C8B: variants seen among roughly 807,000 people sequenced by gnomAD.
The protein encoded by C8B is complement C8 beta chain.
C8B carries 67 observed loss-of-function variants against 64.6 expected under a neutral mutation model. The observed-to-expected ratio is 1.04, with a 90% confidence interval of 0.85 to 1.27. The LOEUF is 1.27. Ranked by LOEUF, C8B falls within the 50% of genes most tolerant of loss-of-function variation. C8B has a pLI of 0.00. For synonymous variants in C8B, 284 were observed against 257.7 expected (o/e 1.10, Z -0.98); for missense variants, 790 against 725.2 (o/e 1.09, Z -1.03).
At chr1:56,943,042 G>A (rs1644887594) in intron 8 of C8B, among the ~76,000 whole-genome samples, 1 of 151,750 alleles carries the variant, frequency 6.6e-6, no homozygotes, top group African/African-American at 2.4e-5. Context: ...ATTGCAGTGA[G>A]CCGAGATCAC....
Position 56,940,871 on chromosome 1 carries a change from T to C in C8B, c.1376A>G (p.Asn459Ser). The part of the protein sequence containing the change: ...MQEWGDAVQY[N>S]PAIIKVKVEP... ...TACCTTAACTTTGATGATGGCTGGG[T>C]TGTACTGCACAGCGTCTCCCCACTC... The change falls in exon 9 of 12, where the codon AAC (asparagine) becomes AGC (serine). Residue 459 changes from asparagine (N) to serine (S), a missense_variant. Physicochemically the swap from Asn to Ser is conservative, Grantham distance 46. Transcript: ENST00000371237. The C allele has an allele frequency of 1.2e-6, 2 of 1,613,926 alleles. No individual in the cohort carries two copies. Among genetic ancestry groups the C allele is most frequent in the Admixed American group, 3.3e-5 (2 of 59,994 alleles).
At chr1:56,943,363 G>A (rs1005399870) in intron 8 of C8B, among the ~76,000 whole-genome samples, 2 of 152,164 alleles carry the variant, frequency 1.3e-5, no homozygotes, top group Non-Finnish European at 2.9e-5. Context: ...TTCATCAACA[G>A]TAGAATGGAC....
chr1:56,935,749 G>A (rs571724420), intron 9 of C8B, among the ~76,000 whole-genome samples: 2 of 152,298 alleles, frequency 1.3e-5, no homozygotes, highest in South Asian at 2.1e-4. Context: ...GTAGATTGAC[G>A]AAAGTCACAT....
intron 9 of C8B, 109 bp from the exon 10 acceptor site, chr1:56,933,597 T>C (rs1180795912): frequency 2.2e-6 from 2 of 893,024 alleles, no homozygotes; most frequent in African/African-American, 1.6e-5. Context: ...AGACCACATG[T>C]GGGTTCCTAT....
chr1:56,940,073 A>G (rs964610377), intron 9 of C8B, among the ~76,000 whole-genome samples: 1 of 151,772 alleles, frequency 6.6e-6, no homozygotes, highest in African/African-American at 2.4e-5. Context: ...TTATCCTTGC[A>G]TTTTCCTCTA....
rs113900156 is a variant in C8B at position 56,956,902 on chromosome 1, A to G, written c.258T>C (p.Tyr86=). The G allele has an allele frequency of 4.3e-4, 699 of 1,614,112 alleles. 2 individuals carry two copies. The African/African-American group carries it at 5.8e-3, about 13-fold the overall frequency. The part of the protein sequence containing the change: ...CDPCQKKRYR[Y]AYLLQPSQFH... Reference sequence around the variant, plus strand: ...ACTGAGAGGGCTGGAGCAAGTAGGCATACCTGTACTGTAGCAGAGAGGAGC... The same window carrying G: ...ACTGAGAGGGCTGGAGCAAGTAGGCGTACCTGTACTGTAGCAGAGAGGAGC... Residue 86 remains tyrosine, a synonymous_variant, in exon 3 of 12, where the codon TAT becomes TAC. Coordinates refer to ENST00000371237, the MANE Select transcript of C8B (RefSeq NM_000066.4).
At chr1:56,939,645 C>G (rs547316303) in intron 9 of C8B, among the ~76,000 whole-genome samples, 27 of 152,286 alleles carry the variant, frequency 1.8e-4, no homozygotes, top group African/African-American at 6.0e-4. Context: ...TATGACAGTC[C>G]TGGTCTAACA....
intron 9 of C8B, among the ~76,000 whole-genome samples, chr1:56,937,125 G>T (rs1644786725): frequency 6.6e-6 from 1 of 152,158 alleles, no homozygotes; most frequent in African/African-American, 2.4e-5. Flanking sequence ...CACATGGTAA[G>T]GCTGACATTC....
At chr1:56,957,147 C>A (rs547100051) in intron 2 of C8B, among the ~76,000 whole-genome samples, 1 of 152,222 alleles carries the variant, frequency 6.6e-6, no homozygotes, top group South Asian at 2.1e-4. Flanking sequence ...TCTCTGAGGG[C>A]AGGGACCTTG....
chr1:56,960,799 T>C (rs1006853213), intron 1 of C8B, among the ~76,000 whole-genome samples: 2 of 151,992 alleles, frequency 1.3e-5, no homozygotes, highest in African/African-American at 4.8e-5. Flanking sequence ...CATTTGAGTG[T>C]GTGGGCGGTG....
At position 56,932,022 on chromosome 1, in the gene C8B, G is replaced by T. The variant is rs1015216199; in HGVS notation, c.1553-144C>A. 6.0e-6 allele frequency: 4 copies of T among 671,852 alleles called. No individual in the cohort carries two copies. The East Asian group carries it at 1.1e-4, about 19-fold the overall frequency. The allele number at this position is 671,852 out of a possible 1,614,324, so 41.6% of individuals were successfully genotyped here. A position where few individuals can be genotyped will look rare whatever the true frequency, so the allele number is the denominator to read the frequency against. On this transcript the variant is annotated intron_variant, in intron 10 of 11. Transcript: ENST00000371237. ...ATGGCTTGCTATAGGCAGGTTCAGG[G>T]CCAGGAATACCTACTCCTTTCCTGA...
chr1:56,951,960 G>GGGATGTGTCCAAGGCCACACA, intron 5 of C8B, 88 bp downstream of exon 5: 1 of 1,359,752 alleles, frequency 7.4e-7, no homozygotes, highest in Non-Finnish European at 1.0e-6. Context: ...AAGAGAAAAG[G>GGGATGTGTCCAAGGCCACACA]GCTAGCAGGC....
chr1:56,943,626 G>A (rs1209639804), intron 8 of C8B, 70 bp downstream of exon 8: 1 of 1,574,080 alleles, frequency 6.4e-7, no homozygotes, highest in Non-Finnish European at 8.7e-7. Context: ...GGAGGGAGGT[G>A]TTGTAATCAC....
Position 56,940,950 on chromosome 1 carries a change from C to T in C8B, c.1297G>A (p.Glu433Lys). 1 of 1,614,134 alleles carries T rather than the reference C, an allele frequency of 6.2e-7. No individual in the cohort carries two copies. Among genetic ancestry groups the T allele is most frequent in the African/African-American group, 1.3e-5 (1 of 75,036 alleles). ...TGGTATGCCAGGGTGGTGATGTGCTCACTTGCCCCTCCTCGTACCAGGACC... is the reference window on the plus strand; with the variant it reads ...TGGTATGCCAGGGTGGTGATGTGCTTACTTGCCCCTCCTCGTACCAGGACC... Reference protein sequence around the residue: ...LVVLVRGGASEHITTLAYQEL... With the variant: ...LVVLVRGGASKHITTLAYQEL... The change falls in exon 9 of 12, where the codon GAG becomes AAG. Residue 433 changes from glutamate to lysine, a missense_variant. Glu to Lys is a moderately conservative substitution (Grantham distance 56). Transcript: ENST00000371237.
intron 9 of C8B, among the ~76,000 whole-genome samples, chr1:56,940,041 T>C (rs772690930): frequency 6.6e-6 from 1 of 152,136 alleles, no homozygotes; most frequent in African/African-American, 2.4e-5. Context: ...TGTATCTTAC[T>C]GTTCCTCGTA....
At chr1:56,951,970 C>T in intron 5 of C8B, 78 bp downstream of exon 5, 1 of 1,572,676 alleles carries the variant, frequency 6.4e-7, no homozygotes, top group Non-Finnish European at 8.7e-7. Flanking sequence ...GGCTAGCAGG[C>T]TGTCAGGCCG....
chr1:56,938,955 G>T (rs1644812544), intron 9 of C8B, among the ~76,000 whole-genome samples: 1 of 152,078 alleles, frequency 6.6e-6, no homozygotes, highest in Admixed American at 6.5e-5. Context: ...GGGTGGGAAG[G>T]TACAGATGTG....
intron 6 of C8B, 112 bp downstream of exon 6, chr1:56,949,443 G>T: frequency 9.6e-7 from 1 of 1,036,824 alleles, no homozygotes; most frequent in Non-Finnish European, 1.5e-6. Flanking sequence ...AGAACTGTGA[G>T]CCAAGTAAAT....
At chr1:56,954,088 C>T (rs1210715110) in intron 4 of C8B, among the ~76,000 whole-genome samples, 1 of 152,160 alleles carries the variant, frequency 6.6e-6, no homozygotes, top group African/African-American at 2.4e-5. Flanking sequence ...CCCTCTTCCA[C>T]CTGCAGGCTG....
Sources: allele counts gnomAD v4.1 joint callset (sites outside exome capture counted in the v4.1 genomes callset), GRCh38; gene constraint gnomAD v4.1.1; transcripts MANE v1.5; gene names NCBI Gene and HGNC (gene_info 2026-07-23, HGNC 2026-07-21).